BCAS3: variants seen among roughly 807,000 people sequenced by gnomAD.
BCAS3 encodes the protein BCAS4/BCAS3 fusion.
Under a neutral mutation model 116.1 loss-of-function variants are expected in BCAS3, and 53 were observed. The observed-to-expected ratio is 0.46, with a 90% CI of 0.37 to 0.57. The LOEUF is 0.57. Ranked by LOEUF, BCAS3 falls within the 20% of genes least tolerant of loss-of-function variation. The probability of loss-of-function intolerance (pLI) is 0.00; values close to 1 mark genes in which losing one functional copy is unlikely to be tolerated. For missense variants in BCAS3, 917 were observed against 1,165.4 expected (o/e 0.79, Z 3.10); for synonymous variants, 391 against 408.2 (o/e 0.96, Z 0.51).
At chr17:60,801,428 T>C (rs1353470470) in intron 6 of BCAS3, among the ~76,000 whole-genome samples, 1 of 152,102 alleles carries the variant, frequency 6.6e-6, no homozygotes, top group Non-Finnish European at 1.5e-5. Flanking sequence ...TAACCAATCA[T>C]GTTATCTGTA....
At chr17:61,386,851 C>T (rs2059887176) in intron 23 of BCAS3, among the ~76,000 whole-genome samples, 1 of 149,476 alleles carries the variant, frequency 6.7e-6, no homozygotes, top group Admixed American at 6.8e-5. Flanking sequence ...CAATCATAGC[C>T]CACTGCAGCC....
intron 7 of BCAS3, among the ~76,000 whole-genome samples, chr17:60,809,756 G>A (rs1385133594): frequency 6.6e-6 from 1 of 152,162 alleles, no homozygotes; most frequent in Non-Finnish European, 1.5e-5. Flanking sequence ...GGTCCAGGGG[G>A]AAGAAAAATC....
intron 15 of BCAS3, among the ~76,000 whole-genome samples, chr17:61,015,183 C>A (rs1294786712): frequency 2.0e-5 from 3 of 152,210 alleles, no homozygotes; most frequent in African/African-American, 4.8e-5. Flanking sequence ...AGCAGGGCAA[C>A]AAACCACTTT....
chr17:61,316,047 T>A lies in BCAS3; in HGVS notation c.2426-52280T>A, dbSNP rs2054705532. On this transcript the variant is annotated intron_variant, in intron 22 of 23. Transcript: ENST00000407086. This position sits in a 1 kb window ranked among gnomAD's most constrained non-coding sequence, Gnocchi z 5.8. ...TGGCCAGGCGTGGTGGCTCACACCTTTGATCCCAGCATTTTGGGAAGTCGA... is the reference window on the plus strand; with the variant it reads ...TGGCCAGGCGTGGTGGCTCACACCTATGATCCCAGCATTTTGGGAAGTCGA... Among the ~76,000 whole-genome samples, 1 of 152,110 alleles carries A rather than the reference T, an allele frequency of 6.6e-6. No homozygotes were observed. The highest frequency in any genetic ancestry group is 2.4e-5 in the African/African-American group (1 of 41,432).
chr17:60,727,108 AT>A, intron 5 of BCAS3: 1 of 427,040 alleles, frequency 2.3e-6, no homozygotes, highest in Admixed American at 3.2e-5. Flanking sequence ...CTCTCAGGTA[AT>A]TTTTCTATGG....
In BCAS3 at chr17:61,258,348, C is replaced by T. The variant is rs1463187936; in HGVS notation, c.2426-109979C>T. On this transcript the variant is annotated intron_variant, in intron 22 of 23. Transcript: ENST00000407086. The surrounding 1 kb of genome is among the most constrained non-coding windows in gnomAD (Gnocchi z 4.7). ...TTACTTCGTGCCTTTAGATATCCAC[C>T]ATAATGTGTAGCGTAGTTCCTAGGA... is the stretch of plus-strand genomic sequence containing the variant. Among the ~76,000 whole-genome samples, 1 of 152,232 alleles carries T rather than the reference C, an allele frequency of 6.6e-6. No homozygotes were observed. Among genetic ancestry groups the T allele is most frequent in the East Asian group, 1.9e-4 (1 of 5,170 alleles).
rs143101316 is a variant in BCAS3 at position 60,785,313 on chromosome 17, C to G, written c.404-22691C>G. 1.3e-3 allele frequency among the ~76,000 whole-genome samples: 196 copies of G among 152,124 alleles called. 4 individuals carry two copies. The East Asian group carries it at 0.037, about 29-fold the overall frequency. The stretch of plus-strand genomic sequence containing the variant: ...GGCTGGGATTACAGGTGTGTGCCAC[C>G]ATGCCCAGCTAATTTTTGTAATTTT... On this transcript the variant is annotated intron_variant, in intron 6 of 23. Transcript: ENST00000407086.
At chr17:61,269,955 C>T (rs2050100304) in intron 22 of BCAS3, among the ~76,000 whole-genome samples, 1 of 151,796 alleles carries the variant, frequency 6.6e-6, no homozygotes, top group Non-Finnish European at 1.5e-5. Flanking sequence ...AGGCACGTGC[C>T]ACCACGCCTG....
At chr17:61,150,559 GT>G (rs1392951142) in intron 22 of BCAS3, among the ~76,000 whole-genome samples, 1 of 152,192 alleles carries the variant, frequency 6.6e-6, no homozygotes, top group Non-Finnish European at 1.5e-5. Flanking sequence ...CCAGTATAGA[GT>G]TTACAAAAGA....
chr17:61,163,683 C>G (rs2078303089), intron 22 of BCAS3, among the ~76,000 whole-genome samples: 1 of 151,740 alleles, frequency 6.6e-6, no homozygotes, highest in Non-Finnish European at 1.5e-5. Context: ...GTCAAACAAA[C>G]AAATTTTTTA....
At chr17:61,253,830 A>T (rs946128386) in intron 22 of BCAS3, among the ~76,000 whole-genome samples, 4 of 152,134 alleles carry the variant, frequency 2.6e-5, no homozygotes, top group South Asian at 2.1e-4. Flanking sequence ...TTAAGTATAC[A>T]TTACAGTTCG....
intron 6 of BCAS3, among the ~76,000 whole-genome samples, chr17:60,754,900 C>A (rs2042860764): frequency 6.6e-6 from 1 of 152,142 alleles, no homozygotes; most frequent in Non-Finnish European, 1.5e-5. Context: ...GTTTTCCGCT[C>A]TAATTACTGC....
intron 5 of BCAS3, among the ~76,000 whole-genome samples, chr17:60,720,894 T>C (rs1349456914): frequency 6.6e-6 from 1 of 152,196 alleles, no homozygotes; most frequent in South Asian, 2.1e-4. Flanking sequence ...GTATTTGTAG[T>C]GTTTTCTTGG....
rs2083312516 is a variant in BCAS3, at chr17:61,239,637, T to C, written c.2426-128690T>C. Among the ~76,000 whole-genome samples, 1 of 152,232 alleles carries C rather than the reference T, an allele frequency of 6.6e-6. No individual in the cohort carries two copies. The highest frequency in any genetic ancestry group is 2.4e-5 in the African/African-American group (1 of 41,468). ...GTTTTAGGAGTAGCAGAGGATAACATGCAACTGTTAAGATCTAGATCATGC... is the reference window on the plus strand; with the variant it reads ...GTTTTAGGAGTAGCAGAGGATAACACGCAACTGTTAAGATCTAGATCATGC... On this transcript the variant is annotated intron_variant, in intron 22 of 23. Coordinates refer to ENST00000407086, the MANE Select transcript of BCAS3 (RefSeq NM_017679.5). The surrounding 1 kb of genome is among the most constrained non-coding windows in gnomAD (Gnocchi z 4.2).
intron 16 of BCAS3, among the ~76,000 whole-genome samples, chr17:61,024,402 TTC>T (rs1343962712): frequency 6.6e-6 from 1 of 152,130 alleles, no homozygotes; most frequent in Non-Finnish European, 1.5e-5. Context: ...TCTCCTTGAG[TTC>T]TGTTAGCCAG....
In BCAS3 at chr17:60,684,027, T is replaced by C. The variant is rs2033656008; in HGVS notation, c.129T>C (p.Val43=). The C allele has an allele frequency of 6.2e-7, 1 of 1,613,950 alleles. No individual in the cohort carries two copies. Residue 43 remains valine (V), a synonymous_variant, in exon 3 of 24, where the codon GTT becomes GTC. Coordinates refer to ENST00000407086, the MANE Select transcript of BCAS3 (RefSeq NM_017679.5). ...GTGTTGTGACTTTTCTGCAGGATGT[T>C]GTGCCACAGGTAAGTGTCTATATGT... ...MESVVTFLQD[V]VPQAYSGTPL...
intron 8 of BCAS3, among the ~76,000 whole-genome samples, chr17:60,872,117 A>T (rs2055160054): frequency 6.6e-6 from 1 of 151,636 alleles, no homozygotes; most frequent in African/African-American, 2.4e-5. Context: ...TCCATTTTTC[A>T]GTTTTAAGCT....
chr17:61,070,390 TATATATATATC>T (rs999101138), intron 19 of BCAS3: 9 of 171,606 alleles, frequency 5.2e-5, no homozygotes, highest in Non-Finnish European at 9.0e-5. Flanking sequence ...TATATATATA[TATATATATATC>T]TTTTCACCAT....
chr17:60,870,676 A>G (rs969332017), intron 8 of BCAS3, among the ~76,000 whole-genome samples: 1 of 152,212 alleles, frequency 6.6e-6, no homozygotes, highest in East Asian at 1.9e-4. Flanking sequence ...AAGTGTACCA[A>G]TGCAACAAAG....
Sources: allele counts gnomAD v4.1 joint callset (sites outside exome capture counted in the v4.1 genomes callset), GRCh38; gene constraint gnomAD v4.1.1; non-coding constraint Gnocchi (gnomAD v3.1); transcripts MANE v1.5; gene names NCBI Gene and HGNC (gene_info 2026-07-23, HGNC 2026-07-21).